The following CDS2 variants were observed in gnomAD, a reference collection of about 807,000 sequenced individuals.
CDS2 encodes phosphatidate cytidylyltransferase 2.
A neutral mutation model predicts 59.0 loss-of-function variants in CDS2; 47 were observed. The ratio of observed to expected loss-of-function variants is 0.80; its 90% confidence interval spans 0.63 to 1.02. The LOEUF (loss-of-function observed/expected upper bound fraction) is 1.02. Ranked by LOEUF, CDS2 falls within the 50% of genes least tolerant of loss-of-function variation. CDS2 has a pLI of 0.00. For synonymous variants in CDS2, 207 were observed against 206.4 expected (o/e 1.00, Z -0.02); for missense variants, 356 against 558.9 (o/e 0.64, Z 3.66).
In CDS2 at chr20:5,127,112, G is replaced by A; in HGVS notation, c.20G>A (p.Arg7Lys). 6.7e-7 allele frequency: 1 copy of A among 1,498,990 alleles called. No homozygotes were observed. Among genetic ancestry groups the A allele is most frequent in the Non-Finnish European group, 8.9e-7 (1 of 1,123,522 alleles). The allele number at this position is 1,498,990 out of a possible 1,614,324, so 92.9% of individuals were successfully genotyped here. A position where few individuals can be genotyped will look rare whatever the true frequency, so the allele number is the denominator to read the frequency against. The change falls in exon 1 of 13, where the codon AGG becomes AAG. Residue 7 changes from arginine (R) to lysine (K), a missense_variant. By Grantham distance (26) the Arg-to-Lys change is conservative (BLOSUM62 2). This residue lies in a region of CDS2 where 107 missense variants were observed against 129.7 expected (regional missense o/e 0.82). Coordinates refer to ENST00000460006, the MANE Select transcript of CDS2 (RefSeq NM_003818.4). Reference protein sequence around the residue: MTELRQRVAHEPVAPPE... With the variant: MTELRQKVAHEPVAPPE... ...CCCAGGATGACAGAGCTGAGGCAGAGGGTGGCCCATGAGCCGGTTGCGCCA... is the reference window on the plus strand; with the variant it reads ...CCCAGGATGACAGAGCTGAGGCAGAAGGTGGCCCATGAGCCGGTTGCGCCA...
intron 1 of CDS2, among the ~76,000 whole-genome samples, chr20:5,135,586 T>A (rs1008968897): frequency 6.6e-6 from 1 of 152,198 alleles, no homozygotes; most frequent in African/African-American, 2.4e-5. Flanking sequence ...AGTCTTGTCA[T>A]GTGGTGGTTA....
At chr20:5,130,058 C>T (rs113186002) in intron 1 of CDS2, among the ~76,000 whole-genome samples, 2 of 152,050 alleles carry the variant, frequency 1.3e-5, no homozygotes, top group Admixed American at 1.3e-4. Flanking sequence ...CTGCAACCTC[C>T]ACCTCCCGTG....
intron 1 of CDS2, among the ~76,000 whole-genome samples, chr20:5,154,042 AG>A (rs1370097386): frequency 1.3e-5 from 2 of 152,122 alleles, no homozygotes; most frequent in Admixed American, 6.5e-5. Flanking sequence ...CCTTGCCTGT[AG>A]GCTTTTCCTA....
chr20:5,176,755 C>T lies in CDS2; in HGVS notation c.389+10C>T, dbSNP rs751833685. The T allele has an allele frequency of 2.9e-5, 47 of 1,596,568 alleles. No homozygotes were observed. The highest frequency in any genetic ancestry group is 6.7e-5 in the Admixed American group (4 of 59,982). On this transcript the variant is annotated intron_variant, in intron 4 of 12. Coordinates refer to ENST00000460006, the MANE Select transcript of CDS2 (RefSeq NM_003818.4). ...TCAGGACGCTCAGCTGGTAAGCTCTCCGGCCCCACAGAGGCTTTTAGAATT... is the reference window on the plus strand; with the variant it reads ...TCAGGACGCTCAGCTGGTAAGCTCTTCGGCCCCACAGAGGCTTTTAGAATT...
chr20:5,189,646 C>T, intron 11 of CDS2, 89 bp from the exon 12 acceptor site: 5 of 915,362 alleles, frequency 5.5e-6, no homozygotes, highest in Non-Finnish European at 7.0e-6. Context: ...CTACTCAGCA[C>T]AGAAGCCTGA....
intron 1 of CDS2, among the ~76,000 whole-genome samples, chr20:5,142,837 G>T (rs755462338): frequency 1.4e-4 from 21 of 152,116 alleles, no homozygotes; most frequent in Non-Finnish European, 2.5e-4. Flanking sequence ...AGACAACTCA[G>T]TAGAAAAATG....
chr20:5,153,685 A>T (rs909754253), intron 1 of CDS2, among the ~76,000 whole-genome samples: 2 of 152,188 alleles, frequency 1.3e-5, no homozygotes, highest in Non-Finnish European at 2.9e-5. Flanking sequence ...TCCTGAGATG[A>T]GGAATGACTT....
chr20:5,158,164 C>CT (rs397865587), intron 1 of CDS2, among the ~76,000 whole-genome samples: 14,624 of 107,824 alleles, frequency 0.14, 962 homozygotes, highest in Middle Eastern at 0.23. Context: ...TGCTTTAGGT[C>CT]TTTTTTTTTT....
intron 1 of CDS2, among the ~76,000 whole-genome samples, chr20:5,135,645 T>C (rs1429885642): frequency 6.6e-6 from 1 of 152,112 alleles, no homozygotes; most frequent in Non-Finnish European, 1.5e-5. Flanking sequence ...CCACGTATGG[T>C]CCCCACCGGG....
chr20:5,131,913 A>G (rs114169365), intron 1 of CDS2, among the ~76,000 whole-genome samples: 2,776 of 152,338 alleles, frequency 0.018, 90 homozygotes, highest in African/African-American at 0.063. Flanking sequence ...TATGTTAGCT[A>G]TGTTGCTACT....
intron 1 of CDS2, among the ~76,000 whole-genome samples, chr20:5,162,473 G>A (rs746543351): frequency 1.2e-4 from 19 of 152,130 alleles, no homozygotes; most frequent in Non-Finnish European, 2.4e-4. Context: ...TGATTGACTA[G>A]GCAAGACTTC....
chr20:5,192,753 TAGTCCTGATTC>T lies in CDS2; in HGVS notation c.*2522_*2532del, dbSNP rs1290809258. 1 of 152,226 alleles carries T rather than the reference TAGTCCTGATTC, an allele frequency of 6.6e-6. No homozygotes were observed. The highest frequency in any genetic ancestry group is 1.5e-5 in the Non-Finnish European group (1 of 68,040). 9.4% of individuals were successfully genotyped at this position (152,226 alleles called of 1,614,324 possible). On this transcript the variant is annotated 3_prime_UTR_variant, in exon 13 of 13. Transcript: ENST00000460006. The stretch of plus-strand genomic sequence containing the variant: ...TGTTTATGTATTCATGAATACTGCA[TAGTCCTGATTC>T]AGAGACTTTTGCTTTGCTTTCCAAC...
At chr20:5,189,702 C>G in intron 11 of CDS2, 33 bp from the exon 12 acceptor site, 1 of 1,542,642 alleles carries the variant, frequency 6.5e-7, no homozygotes, top group Non-Finnish European at 9.0e-7. Context: ...TGGCTGAGCC[C>G]AAGTTCACCC....
chr20:5,134,797 A>G (rs1201288702), intron 1 of CDS2, among the ~76,000 whole-genome samples: 1 of 152,230 alleles, frequency 6.6e-6, no homozygotes, highest in Non-Finnish European at 1.5e-5. Flanking sequence ...CTGGGATTAC[A>G]GGCATGAGCC....
At chr20:5,128,781 G>T in intron 1 of CDS2, 1 of 152,162 alleles carries the variant, frequency 6.6e-6, no homozygotes, top group Non-Finnish European at 1.5e-5. Context: ...AGGCTCTGTA[G>T]CTCTGTTTAA....
chr20:5,154,125 C>T (rs1190235519), intron 1 of CDS2, among the ~76,000 whole-genome samples: 1 of 152,186 alleles, frequency 6.6e-6, no homozygotes, highest in Non-Finnish European at 1.5e-5. Flanking sequence ...TGTGGAGGGC[C>T]TGAGTGCTAA....
chr20:5,130,654 A>G (rs544290703), intron 1 of CDS2, among the ~76,000 whole-genome samples: 1 of 150,224 alleles, frequency 6.7e-6, no homozygotes, highest in African/African-American at 2.5e-5. Flanking sequence ...GTGGTGGTGC[A>G]TGCCTGTAAT....
chr20:5,168,329 C>G (rs1295922039), intron 1 of CDS2, among the ~76,000 whole-genome samples: 1 of 149,746 alleles, frequency 6.7e-6, no homozygotes, highest in Non-Finnish European at 1.5e-5. Flanking sequence ...GCAGGAGAAT[C>G]GCTTGAACCC....
At chr20:5,178,794 C>T (rs1390420813) in intron 4 of CDS2, 23 bp from the exon 5 acceptor site, 26 of 1,613,766 alleles carry the variant, frequency 1.6e-5, no homozygotes, top group Non-Finnish European at 2.1e-5. Context: ...CTCCCCACGG[C>T]AATGACCTGT....
Sources: allele counts gnomAD v4.1 joint callset (sites outside exome capture counted in the v4.1 genomes callset), GRCh38; gene constraint gnomAD v4.1.1; regional missense constraint gnomAD v4.1.1; transcripts MANE v1.5; gene names NCBI Gene and HGNC (gene_info 2026-07-23, HGNC 2026-07-21).